Variants in PRRC2C observed in about 807,000 individuals in gnomAD.
The protein encoded by PRRC2C is proline rich coiled-coil 2C.
In PRRC2C, 72 loss-of-function variants were observed where a neutral mutation model predicts 317.2. The ratio of observed to expected loss-of-function variants is 0.23; its 90% CI spans 0.19 to 0.28. PRRC2C has a LOEUF of 0.28. PRRC2C is among the 10% of genes least tolerant of loss of function. PRRC2C has a pLI of 1.00. For synonymous variants in PRRC2C, 1,296 were observed against 1,205.9 expected, an observed-to-expected ratio of 1.07 and a Z score of -1.55; for missense variants, 3,074 against 3,459.7, an observed-to-expected ratio of 0.89 and a Z score of 2.80.
chr1:171,541,246 A>G lies in PRRC2C; in HGVS notation c.3780A>G (p.Arg1260=). 6.2e-7 allele frequency: 1 copy of G among 1,613,844 alleles called. No individual in the cohort carries two copies. Among genetic ancestry groups the G allele is most frequent in the Non-Finnish European group, 8.5e-7 (1 of 1,179,842 alleles). ...ATTTTGAAGTTGTCCCCAAAAGAAG[A>G]CGACAGCGGGGTTCAGAGACTGACA... ...SSDFEVVPKR[R]RQRGSETDTD... Residue 1260 remains arginine, a synonymous_variant, in exon 16 of 35, where the codon AGA becomes AGG. Coordinates refer to ENST00000647382, the MANE Select transcript of PRRC2C (RefSeq NM_001387844.1). This position sits in a 1 kb window ranked among gnomAD's most constrained non-coding sequence, Gnocchi z 4.1.
At chr1:171,522,489 G>A (rs1022330069) in intron 7 of PRRC2C, 1 of 260,756 alleles carries the variant, frequency 3.8e-6, no homozygotes, top group Non-Finnish European at 7.2e-6. Flanking sequence ...TGAAAACCAG[G>A]CCGGGGACGG....
chr1:171,565,733 A>T (rs1272217514), intron 20 of PRRC2C, among the ~76,000 whole-genome samples: 1 of 152,220 alleles, frequency 6.6e-6, no homozygotes, highest in Non-Finnish European at 1.5e-5. Flanking sequence ...GGCATGAGCC[A>T]CCATACCCGG....
chr1:171,489,850 C>T (rs919505366), intron 1 of PRRC2C, among the ~76,000 whole-genome samples: 5 of 152,172 alleles, frequency 3.3e-5, no homozygotes, highest in Non-Finnish European at 5.9e-5. Context: ...TCGTCCCAAA[C>T]CATCTGCCTG....
chr1:171,512,501 T>A (rs772321275), intron 2 of PRRC2C: 28 of 294,146 alleles, frequency 9.5e-5, no homozygotes, highest in Non-Finnish European at 1.5e-4. Context: ...GGCACAGACC[T>A]ATATATTAGT....
intron 1 of PRRC2C, among the ~76,000 whole-genome samples, chr1:171,490,101 GT>G (rs568664223): frequency 1.1e-4 from 17 of 152,134 alleles, no homozygotes; most frequent in Non-Finnish European, 2.4e-4. Context: ...TGTATTTTTA[GT>G]AGAGATGGGG....
chr1:171,500,252 G>T (rs753681232), intron 1 of PRRC2C, among the ~76,000 whole-genome samples: 5 of 152,172 alleles, frequency 3.3e-5, no homozygotes, highest in Non-Finnish European at 7.3e-5. Flanking sequence ...TAAATTTTCA[G>T]TATTGCTTAA....
chr1:171,589,308 GT>G (rs11284338), intron 33 of PRRC2C, 60 bp from the exon 34 acceptor site: 144,525 of 443,070 alleles, frequency 0.33, 11,970 homozygotes, highest in East Asian at 0.38. Context: ...CTAGTTGGCA[GT>G]TTTTTTTTTT....
At position 171,566,661 on chromosome 1, in the gene PRRC2C, A is replaced by C. The variant is rs1207195887; in HGVS notation, c.6376A>C (p.Lys2126Gln). Residue 2126 changes from lysine to glutamine, a missense_variant, in exon 22 of 35, where the codon AAA becomes CAA. Lys to Gln is a moderately conservative substitution (Grantham distance 53). Around this residue, in one of 11 missense-constraint regions of PRRC2C, gnomAD observed 640 missense variants for 676.1 expected, o/e 0.95. Coordinates refer to ENST00000647382, the MANE Select transcript of PRRC2C (RefSeq NM_001387844.1). ...TCCCATTGGAAAGGAACGTTCATTA[A>C]AAAATAGAAAAGTAAAAGATGCCCA... ...PGPIGKERSLKNRKVKDAQQV... is the reference protein window; with the variant it reads ...PGPIGKERSLQNRKVKDAQQV... 10 of 1,610,222 alleles carry C rather than the reference A, an allele frequency of 6.2e-6. No homozygotes were observed. The highest frequency in any genetic ancestry group is 8.5e-6 in the Non-Finnish European group (10 of 1,178,024).
At chr1:171,528,072 T>C (rs1034662933) in intron 11 of PRRC2C, among the ~76,000 whole-genome samples, 1 of 152,152 alleles carries the variant, frequency 6.6e-6, no homozygotes, top group African/African-American at 2.4e-5. Flanking sequence ...AACTTTTTTT[T>C]TCTCTCTCAC....
Position 171,540,159 on chromosome 1 carries a change from T to C in PRRC2C, c.2693T>C (p.Phe898Ser), listed in dbSNP as rs772450040. 1.9e-6 allele frequency: 3 copies of C among 1,613,926 alleles called. No homozygotes were observed. The highest frequency in any genetic ancestry group is 1.7e-6 in the Non-Finnish European group (2 of 1,179,856). ...HTDANNQSAC[F>S]EAPDQKTLSA... is the part of the protein sequence containing the mutation. ...GATGCAAATAATCAGTCTGCTTGTTTTGAAGCACCTGATCAAAAGACCTTA... is the reference window on the plus strand; with the variant it reads ...GATGCAAATAATCAGTCTGCTTGTTCTGAAGCACCTGATCAAAAGACCTTA... Residue 898 changes from phenylalanine (F) to serine (S), a missense_variant, in exon 16 of 35, where the codon TTT becomes TCT. Physicochemically the swap from Phe to Ser is radical, Grantham distance 155. Transcript: ENST00000647382.
chr1:171,529,467 A>G (rs1675371052), intron 11 of PRRC2C, among the ~76,000 whole-genome samples: 1 of 152,200 alleles, frequency 6.6e-6, no homozygotes, highest in Non-Finnish European at 1.5e-5. Context: ...TGGCATTATC[A>G]TTCACATATT....
chr1:171,568,687 C>A (rs1186792600), intron 23 of PRRC2C, among the ~76,000 whole-genome samples: 1 of 152,118 alleles, frequency 6.6e-6, no homozygotes, highest in Non-Finnish European at 1.5e-5. Context: ...TTTGTTCTTA[C>A]ATAAAACCTT....
At chr1:171,493,907 A>G (rs777639585) in intron 1 of PRRC2C, among the ~76,000 whole-genome samples, 1 of 152,248 alleles carries the variant, frequency 6.6e-6, no homozygotes, top group Non-Finnish European at 1.5e-5. Context: ...CAGGCTTTAC[A>G]CTATTCTAAG....
rs570721255 is a variant in PRRC2C, at chr1:171,590,008, A to G, written c.8436+403A>G. On this transcript the variant is annotated intron_variant, in intron 34 of 34. Coordinates refer to ENST00000647382, the MANE Select transcript of PRRC2C (RefSeq NM_001387844.1). ...CTTTTTTTTTTTTTTTTTAATATATATTTTCTTCCCCCCTTTCCCCTGACT... is the reference window on the plus strand; with the variant it reads ...CTTTTTTTTTTTTTTTTTAATATATGTTTTCTTCCCCCCTTTCCCCTGACT... 4.0e-5 allele frequency among the ~76,000 whole-genome samples: 5 copies of G among 124,142 alleles called. No homozygotes were observed. In the East Asian group the frequency reaches 1.2e-3, roughly 29 times the overall value. 81.4% of individuals were successfully genotyped at this position (124,142 alleles called of 152,430 possible). A position where few individuals can be genotyped will look rare whatever the true frequency, so the allele number is the denominator to read the frequency against.
chr1:171,525,073 A>G (rs1206294932), intron 10 of PRRC2C, 108 bp downstream of exon 10: 3 of 933,020 alleles, frequency 3.2e-6, no homozygotes, highest in Non-Finnish European at 4.4e-6. Context: ...CGGGACTTAG[A>G]AAAAGGAAAC....
In PRRC2C at chr1:171,541,820, A is replaced by G. The variant is rs764604457; in HGVS notation, c.4354A>G (p.Asn1452Asp). Residue 1452 changes from asparagine to aspartate, a missense_variant, in exon 16 of 35, where the codon AAT (asparagine) becomes GAT (aspartate). Asn to Asp is a conservative substitution (Grantham distance 23). Transcript: ENST00000647382. The surrounding 1 kb of genome is among the most constrained non-coding windows in gnomAD (Gnocchi z 4.1). ...AGAGAGGGAGGCTGCTTCAAAATCA[A>G]ATGAGGTGGTAGCAGTGCCCACAAA... ...LREREAASKS[N>D]EVVAVPTNGT... 33 of 1,613,758 alleles carry G rather than the reference A, an allele frequency of 2.0e-5. No individual in the cohort carries two copies. In the South Asian group the frequency reaches 3.6e-4, roughly 18 times the overall value.
chr1:171,552,241 A>G (rs1321507742), intron 18 of PRRC2C, among the ~76,000 whole-genome samples: 1 of 152,070 alleles, frequency 6.6e-6, no homozygotes, highest in Non-Finnish European at 1.5e-5. Flanking sequence ...ATGGGAGTTC[A>G]CTCATGATTT....
chr1:171,513,566 T>C (rs1671769086), intron 3 of PRRC2C: 1 of 391,470 alleles, frequency 2.6e-6, no homozygotes, highest in Non-Finnish European at 5.1e-6. Context: ...GCCTGATGTT[T>C]CATAGGTGCT....
chr1:171,512,955 A>C, intron 2 of PRRC2C, 40 bp from the exon 3 acceptor site: 1 of 1,542,072 alleles, frequency 6.5e-7, no homozygotes, highest in South Asian at 1.3e-5. Flanking sequence ...ATGGGTAATA[A>C]AATAGATGTT....
Sources: gnomAD v4.1 joint callset for allele counts (sites outside exome capture counted in the v4.1 genomes callset) on GRCh38, gnomAD v4.1.1 for gene constraint, gnomAD v4.1.1 regional missense constraint, Gnocchi (gnomAD v3.1) non-coding constraint, MANE v1.5 for transcripts, NCBI Gene and HGNC (gene_info 2026-07-23, HGNC 2026-07-21) for gene names.